RBMS3: variants seen among roughly 807,000 people sequenced by gnomAD.
The protein encoded by RBMS3 is RNA binding motif single stranded interacting protein 3, also known as RNA-binding motif, single-stranded-interacting protein 3.
RBMS3 carries 27 observed loss-of-function variants against 66.8 expected under a neutral mutation model. The ratio of observed to expected loss-of-function variants is 0.40; its 90% confidence interval spans 0.30 to 0.56. The LOEUF (loss-of-function observed/expected upper bound fraction) is 0.56, where lower values mean the gene tolerates loss of function less well. Among genes scored for constraint, RBMS3 ranks in the 20% least tolerant of loss-of-function variants. RBMS3 has a pLI of 0.40. For missense variants in RBMS3, 513 were observed against 549.5 expected, an observed-to-expected ratio of 0.93 and a Z score of 0.66; for synonymous variants, 188 against 183.0, an observed-to-expected ratio of 1.03 and a Z score of -0.22.
chr3:29,363,680 C>T (rs1455634336), intron 1 of RBMS3, among the ~76,000 whole-genome samples: 2 of 151,898 alleles, frequency 1.3e-5, no homozygotes, highest in Non-Finnish European at 2.9e-5. Flanking sequence ...GTCCCAGCTA[C>T]TCAGGTGGCT....
chr3:29,961,358 T>C (rs1302357996), intron 12 of RBMS3, among the ~76,000 whole-genome samples: 1 of 152,106 alleles, frequency 6.6e-6, no homozygotes, highest in Non-Finnish European at 1.5e-5. Flanking sequence ...CTCTAGGAAG[T>C]TTCAAAGTTT....
intron 3 of RBMS3, among the ~76,000 whole-genome samples, chr3:29,564,828 T>G (rs1279153958): frequency 6.6e-6 from 1 of 152,174 alleles, no homozygotes; most frequent in African/African-American, 2.4e-5. Context: ...GGTCAGTTTC[T>G]TTAAAGACAA....
At chr3:29,742,915 C>G (rs889305876) in intron 5 of RBMS3, among the ~76,000 whole-genome samples, 33 of 152,094 alleles carry the variant, frequency 2.2e-4, no homozygotes, top group African/African-American at 8.0e-4. Context: ...GCCATGTGGA[C>G]TGAAAAGGCA....
chr3:29,937,923 A>T (rs1204049073), intron 11 of RBMS3, among the ~76,000 whole-genome samples: 2 of 151,918 alleles, frequency 1.3e-5, no homozygotes, highest in Non-Finnish European at 2.9e-5. Flanking sequence ...TCCTTCAGTG[A>T]TCATAAATTC....
chr3:29,378,295 AC>A (rs2038581599), intron 1 of RBMS3, among the ~76,000 whole-genome samples: 1 of 151,970 alleles, frequency 6.6e-6, no homozygotes, highest in Non-Finnish European at 1.5e-5. Flanking sequence ...ATGCAGTGAA[AC>A]CCCGTTTCTA....
At chr3:29,585,031 G>T (rs957102227) in intron 3 of RBMS3, among the ~76,000 whole-genome samples, 2 of 152,118 alleles carry the variant, frequency 1.3e-5, no homozygotes, top group Non-Finnish European at 2.9e-5. Flanking sequence ...ATATTCATTT[G>T]TATGGTTATT....
At chr3:29,998,764 T>C (rs1256690126) in intron 14 of RBMS3, among the ~76,000 whole-genome samples, 2 of 151,726 alleles carry the variant, frequency 1.3e-5, no homozygotes, top group African/African-American at 4.9e-5. Context: ...CAAAAATTAA[T>C]TCAAGATGGA....
chr3:29,702,988 G>C (rs145583420), intron 4 of RBMS3, among the ~76,000 whole-genome samples: 3 of 152,134 alleles, frequency 2.0e-5, no homozygotes, highest in African/African-American at 7.2e-5. Context: ...ACTAACTTTC[G>C]TTAAGTGTTC....
chr3:29,497,620 TA>T (rs1203607738), intron 3 of RBMS3, among the ~76,000 whole-genome samples: 1 of 152,306 alleles, frequency 6.6e-6, no homozygotes, highest in South Asian at 2.1e-4. Flanking sequence ...TCATCCTATC[TA>T]AACACCTTTA....
chr3:29,500,410 G>A (rs1453620982), intron 3 of RBMS3, among the ~76,000 whole-genome samples: 1 of 148,366 alleles, frequency 6.7e-6, no homozygotes, highest in Non-Finnish European at 1.5e-5. Flanking sequence ...AACTCCAAGT[G>A]AAATATAAAT....
At chr3:29,838,520 T>C (rs1038322968) in intron 6 of RBMS3, among the ~76,000 whole-genome samples, 1 of 152,018 alleles carries the variant, frequency 6.6e-6, no homozygotes, top group African/African-American at 2.4e-5. Context: ...AAATGGAAAA[T>C]CTTAAGTCTA....
intron 12 of RBMS3, among the ~76,000 whole-genome samples, chr3:29,980,103 C>T (rs192564900): frequency 1.6e-3 from 247 of 152,300 alleles, no homozygotes; most frequent in African/African-American, 5.2e-3. Flanking sequence ...TCTGTTGTTT[C>T]ATGAGTTGTT....
At chr3:29,546,325 G>A (rs185412353) in intron 3 of RBMS3, among the ~76,000 whole-genome samples, 1 of 152,278 alleles carries the variant, frequency 6.6e-6, no homozygotes, top group South Asian at 2.1e-4. Flanking sequence ...AACGTACACA[G>A]CTAGTAGGTG....
At chr3:29,693,036 A>G (rs1178990969) in intron 4 of RBMS3, among the ~76,000 whole-genome samples, 1 of 152,092 alleles carries the variant, frequency 6.6e-6, no homozygotes, top group African/African-American at 2.4e-5. Flanking sequence ...CATACACTGT[A>G]ACTTATTCTG....
At chr3:29,858,344 C>CTTTATATTTATATA (rs2059131930) in intron 6 of RBMS3, among the ~76,000 whole-genome samples, 1 of 151,966 alleles carries the variant, frequency 6.6e-6, no homozygotes, top group South Asian at 2.1e-4. Context: ...ATACAGTATG[C>CTTTATATTTATATA]AAAGAGCTGT....
intron 4 of RBMS3, among the ~76,000 whole-genome samples, chr3:29,682,323 G>A (rs2051532554): frequency 6.6e-6 from 1 of 152,052 alleles, no homozygotes; most frequent in South Asian, 2.1e-4. Flanking sequence ...TTTTTTGTTT[G>A]TTTGTTTGTT....
intron 6 of RBMS3, among the ~76,000 whole-genome samples, chr3:29,786,256 A>G (rs2056814033): frequency 6.6e-6 from 1 of 152,120 alleles, no homozygotes; most frequent in African/African-American, 2.4e-5. Flanking sequence ...GAAAATGACC[A>G]TACTGCCAAA....
chr3:29,966,260 G>T (rs1696842450), intron 12 of RBMS3, among the ~76,000 whole-genome samples: 2 of 152,154 alleles, frequency 1.3e-5, no homozygotes, highest in Non-Finnish European at 2.9e-5. Context: ...AATGATGGTG[G>T]TATTCTGATG....
At chr3:29,770,214 A>G (rs912127819) in intron 6 of RBMS3, among the ~76,000 whole-genome samples, 1 of 151,950 alleles carries the variant, frequency 6.6e-6, no homozygotes, top group African/African-American at 2.4e-5. Flanking sequence ...TCCCCCTGCC[A>G]CGTCTTCACA....
Sources: gnomAD v4.1 joint callset for allele counts (sites outside exome capture counted in the v4.1 genomes callset) on GRCh38, gnomAD v4.1.1 for gene constraint, MANE v1.5 for transcripts, NCBI Gene and HGNC (gene_info 2026-07-23, HGNC 2026-07-21) for gene names.